The following EYS variants were observed in gnomAD, a reference collection of about 807,000 sequenced individuals.
EYS encodes the protein protein eyes shut homolog.
EYS carries 250 observed loss-of-function variants against 282.1 expected under a neutral mutation model. That is an observed-to-expected ratio of 0.89 (90% CI 0.80 to 0.98). The LOEUF is 0.98. Ranked by LOEUF, EYS falls within the 50% of genes least tolerant of loss-of-function variation. The pLI, the probability that EYS is intolerant of heterozygous loss-of-function variation, is 0.00. For missense variants in EYS, 4,016 were observed against 3,709.0 expected (o/e 1.08, Z -2.15); for synonymous variants, 1,355 against 1,282.9 (o/e 1.06, Z -1.20).
At chr6:64,951,321 AAAAC>A (rs1293942088) in intron 14 of EYS, among the ~76,000 whole-genome samples, 1 of 151,962 alleles carries the variant, frequency 6.6e-6, no homozygotes, top group Non-Finnish European at 1.5e-5. Flanking sequence ...CAAAAAAACA[AAAAC>A]AAAAACAGCT....
At chr6:64,985,432 A>T (rs1283013199) in intron 14 of EYS, among the ~76,000 whole-genome samples, 2 of 151,486 alleles carry the variant, frequency 1.3e-5, no homozygotes, top group Admixed American at 6.6e-5. Flanking sequence ...GTAATGCCTT[A>T]TTTTATTTTT....
chr6:65,208,080 C>A (rs924165194), intron 12 of EYS, among the ~76,000 whole-genome samples: 1 of 151,536 alleles, frequency 6.6e-6, no homozygotes, highest in Non-Finnish European at 1.5e-5. Context: ...AGACCACCTG[C>A]AGAATGGGAG....
intron 22 of EYS, among the ~76,000 whole-genome samples, chr6:64,726,794 T>A (rs1377041562): frequency 6.6e-6 from 1 of 152,142 alleles, no homozygotes. Context: ...TAAAATATAA[T>A]TCCTGTAGAA....
At chr6:65,318,967 A>G (rs1054230691) in intron 11 of EYS, among the ~76,000 whole-genome samples, 1 of 150,788 alleles carries the variant, frequency 6.6e-6, no homozygotes, top group African/African-American at 2.4e-5. Context: ...TGTGAATTCT[A>G]TTTTTTTCTG....
chr6:64,615,606 C>T (rs1370099326), intron 24 of EYS, among the ~76,000 whole-genome samples: 2 of 152,050 alleles, frequency 1.3e-5, no homozygotes, highest in African/African-American at 4.8e-5. Flanking sequence ...GCATGAATAA[C>T]ATTTCAATGT....
chr6:63,789,015 A>G (rs1450464434), intron 38 of EYS, 43 bp downstream of exon 38: 33 of 1,534,340 alleles, frequency 2.2e-5, no homozygotes, highest in Non-Finnish European at 2.8e-5. Context: ...ACAATATACT[A>G]GTGCTCTCAG....
intron 1 of EYS, among the ~76,000 whole-genome samples, chr6:65,660,664 A>C: frequency 6.6e-6 from 1 of 151,810 alleles, no homozygotes; most frequent in Middle Eastern, 3.4e-3. Context: ...TATTTTTAGT[A>C]CCCTATTACG....
At chr6:63,745,595 G>C (rs75242367) in intron 41 of EYS, among the ~76,000 whole-genome samples, 2,421 of 152,254 alleles carry the variant, frequency 0.016, 52 homozygotes, top group South Asian at 0.089. Context: ...CACATAAAGA[G>C]TAATAGATGA....
chr6:65,201,192 G>A (rs920492393), intron 12 of EYS, among the ~76,000 whole-genome samples: 2 of 152,058 alleles, frequency 1.3e-5, no homozygotes, highest in African/African-American at 4.8e-5. Flanking sequence ...AAAGATTAGA[G>A]GCTTTCTGTG....
At chr6:64,078,471 T>G (rs1771847140) in intron 32 of EYS, among the ~76,000 whole-genome samples, 1 of 152,058 alleles carries the variant, frequency 6.6e-6, no homozygotes, top group Admixed American at 6.6e-5. Flanking sequence ...TTTATGAGGT[T>G]GACAGATTCT....
At chr6:65,232,673 G>A (rs62407256) in intron 12 of EYS, among the ~76,000 whole-genome samples, 1 of 151,828 alleles carries the variant, frequency 6.6e-6, no homozygotes, top group South Asian at 2.1e-4. Context: ...GTCCATACTT[G>A]ATTTAGCTTC....
intron 31 of EYS, among the ~76,000 whole-genome samples, chr6:64,217,517 A>G (rs1427788338): frequency 3.9e-5 from 6 of 152,140 alleles, no homozygotes; most frequent in Admixed American, 1.3e-4. Context: ...TGACAGAGCA[A>G]GACTCCGTCC....
At chr6:65,491,544 G>A (rs558220280) in intron 4 of EYS, 2 of 425,832 alleles carry the variant, frequency 4.7e-6, no homozygotes, top group African/African-American at 2.0e-5. Flanking sequence ...TGACATCCCT[G>A]CCTCACTAAT....
intron 15 of EYS, among the ~76,000 whole-genome samples, chr6:64,922,098 G>A (rs115862058): frequency 9.9e-4 from 150 of 152,276 alleles, no homozygotes; most frequent in African/African-American, 3.4e-3. Flanking sequence ...GGCCCATGAA[G>A]GAAAATCAGC....
chr6:65,434,086 T>C (rs934481149), intron 5 of EYS, among the ~76,000 whole-genome samples: 1 of 152,128 alleles, frequency 6.6e-6, no homozygotes, highest in Admixed American at 6.6e-5. Context: ...CAGTGAACAT[T>C]TTAAAAAGGC....
intron 15 of EYS, 147 bp downstream of exon 15, chr6:64,945,646 A>G: frequency 1.6e-6 from 1 of 642,784 alleles, no homozygotes. Flanking sequence ...AATGATTGCG[A>G]CACCATCTTG....
At chr6:65,633,217 A>G (rs563920851) in intron 2 of EYS, among the ~76,000 whole-genome samples, 1 of 152,272 alleles carries the variant, frequency 6.6e-6, no homozygotes, top group East Asian at 1.9e-4. Context: ...CTAGTAATTC[A>G]CATCTGAGTT....
chr6:63,877,419 C>G (rs1035684257), intron 35 of EYS, among the ~76,000 whole-genome samples: 12 of 152,092 alleles, frequency 7.9e-5, no homozygotes, highest in African/African-American at 2.7e-4. Context: ...TCCTTCATTT[C>G]AACTTTGGTG....
chr6:64,305,083 A>G (rs1769388643), intron 30 of EYS, among the ~76,000 whole-genome samples: 1 of 152,214 alleles, frequency 6.6e-6, no homozygotes, highest in Non-Finnish European at 1.5e-5. Flanking sequence ...AAGGAAAATA[A>G]AAAGAAGACT....
Sources: allele counts gnomAD v4.1 joint callset (sites outside exome capture counted in the v4.1 genomes callset), GRCh38; gene constraint gnomAD v4.1.1; transcripts MANE v1.5; gene names NCBI Gene and HGNC (gene_info 2026-07-23, HGNC 2026-07-21).